The following STAG1 variants were observed in gnomAD, a reference collection of about 807,000 sequenced individuals.
The protein encoded by STAG1 is STAG1 cohesin complex component, also known as cohesin subunit SA-1.
Under a neutral mutation model 170.9 loss-of-function variants are expected in STAG1, and 26 were observed. That is an observed-to-expected ratio of 0.15 (90% CI 0.11 to 0.21). STAG1 has a LOEUF of 0.21. Among genes scored for constraint, STAG1 ranks in the 10% least tolerant of loss-of-function variants. The probability of loss-of-function intolerance (pLI) is 1.00; values close to 1 mark genes in which losing one functional copy is unlikely to be tolerated. For synonymous variants in STAG1, 514 were observed against 497.7 expected (o/e 1.03, Z -0.44); for missense variants, 964 against 1,509.5 (o/e 0.64, Z 5.99).
chr3:136,435,061 C>T (rs1383283909), intron 15 of STAG1, among the ~76,000 whole-genome samples: 1 of 152,140 alleles, frequency 6.6e-6, no homozygotes, highest in Non-Finnish European at 1.5e-5. Flanking sequence ...CAATGCTTTA[C>T]TGCTTTGATT....
chr3:136,684,244 C>T (rs1942435210), intron 1 of STAG1, among the ~76,000 whole-genome samples: 1 of 152,086 alleles, frequency 6.6e-6, no homozygotes, highest in Admixed American at 6.5e-5. Flanking sequence ...TATAACAGAA[C>T]AAAGTCGGAA....
chr3:136,657,938 TTAAATA>T (rs1386038435), intron 1 of STAG1, among the ~76,000 whole-genome samples: 7 of 152,212 alleles, frequency 4.6e-5, no homozygotes, highest in Non-Finnish European at 8.8e-5. Flanking sequence ...TCTCTTGGTA[TTAAATA>T]TAAAAAGGGA....
intron 4 of STAG1, chr3:136,591,318 A>AGAAGTAAG (rs963343240): frequency 6.6e-6 from 1 of 152,118 alleles, no homozygotes; most frequent in African/African-American, 2.4e-5. Flanking sequence ...CAGGAAAGAA[A>AGAAGTAAG]GAAGTAAGGA....
At chr3:136,370,810 G>T (rs1365966691) in intron 23 of STAG1, among the ~76,000 whole-genome samples, 8 of 152,098 alleles carry the variant, frequency 5.3e-5, no homozygotes, top group Non-Finnish European at 1.0e-4. Context: ...GAATAGTGCC[G>T]CAATAAACAT....
At chr3:136,476,815 C>G (rs2089762491) in intron 10 of STAG1, among the ~76,000 whole-genome samples, 2 of 152,000 alleles carry the variant, frequency 1.3e-5, no homozygotes, top group Admixed American at 1.3e-4. Flanking sequence ...TTCAGGATTA[C>G]TTATATGAGG....
At chr3:136,616,409 AAG>A (rs1439940705) in intron 3 of STAG1, among the ~76,000 whole-genome samples, 8 of 152,190 alleles carry the variant, frequency 5.3e-5, no homozygotes, top group African/African-American at 1.9e-4. Context: ...TAACATAATT[AAG>A]GAAGTCAGAA....
intron 12 of STAG1, among the ~76,000 whole-genome samples, chr3:136,466,627 C>A (rs992133562): frequency 2.0e-5 from 3 of 152,088 alleles, no homozygotes; most frequent in African/African-American, 7.2e-5. Flanking sequence ...GGCAGGCCAA[C>A]GTTCAGATTC....
At chr3:136,456,849 G>A (rs2089127089) in intron 13 of STAG1, among the ~76,000 whole-genome samples, 1 of 152,170 alleles carries the variant, frequency 6.6e-6, no homozygotes, top group Non-Finnish European at 1.5e-5. Flanking sequence ...GATAGACTGG[G>A]ATGCTATATT....
chr3:136,446,893 T>G (rs2107768116), intron 14 of STAG1, among the ~76,000 whole-genome samples: 1 of 152,006 alleles, frequency 6.6e-6, no homozygotes, highest in East Asian at 2.0e-4. Context: ...TCTTGCCTCC[T>G]GCGTTCAAGC....
intron 22 of STAG1, among the ~76,000 whole-genome samples, chr3:136,383,608 T>C (rs557725835): frequency 2.2e-4 from 34 of 152,344 alleles, no homozygotes; most frequent in African/African-American, 6.7e-4. Flanking sequence ...GATTAACAAC[T>C]GATCCTTACA....
At chr3:136,654,752 T>C (rs1476635246) in intron 1 of STAG1, among the ~76,000 whole-genome samples, 1 of 152,280 alleles carries the variant, frequency 6.6e-6, no homozygotes, top group East Asian at 1.9e-4. Flanking sequence ...CTTTCAAAAC[T>C]TACCTCAAAA....
At chr3:136,547,642 C>A (rs1650352455) in intron 5 of STAG1, among the ~76,000 whole-genome samples, 1 of 152,154 alleles carries the variant, frequency 6.6e-6, no homozygotes, top group Non-Finnish European at 1.5e-5. Flanking sequence ...CCTCCAGATT[C>A]ATCCATGGTT....
chr3:136,645,441 A>T (rs565866861), intron 1 of STAG1, among the ~76,000 whole-genome samples: 1 of 150,614 alleles, frequency 6.6e-6, no homozygotes, highest in Admixed American at 6.6e-5. Context: ...TGCTCATACC[A>T]CTCTCCATCT....
At chr3:136,741,426 A>G (rs1225161588) in intron 1 of STAG1, among the ~76,000 whole-genome samples, 1 of 152,246 alleles carries the variant, frequency 6.6e-6, no homozygotes, top group East Asian at 1.9e-4. Flanking sequence ...GCATATGATC[A>G]ATGATTATTA....
At chr3:136,704,784 C>T (rs1450984532) in intron 1 of STAG1, among the ~76,000 whole-genome samples, 1 of 130,970 alleles carries the variant, frequency 7.6e-6, no homozygotes, top group Non-Finnish European at 1.5e-5. Flanking sequence ...GATCATGTCA[C>T]TGCACTCCAG....
chr3:136,646,492 C>T (rs1941018519), intron 1 of STAG1, among the ~76,000 whole-genome samples: 1 of 152,224 alleles, frequency 6.6e-6, no homozygotes, highest in Non-Finnish European at 1.5e-5. Flanking sequence ...CCCTCAATCA[C>T]TCTTTATCCT....
intron 29 of STAG1, among the ~76,000 whole-genome samples, chr3:136,348,185 A>C (rs938168378): frequency 6.6e-6 from 1 of 152,184 alleles, no homozygotes; most frequent in Non-Finnish European, 1.5e-5. Context: ...AATTTATTAG[A>C]AGCATGAAGA....
intron 1 of STAG1, among the ~76,000 whole-genome samples, chr3:136,677,224 T>G (rs1246488770): frequency 1.3e-5 from 2 of 152,196 alleles, no homozygotes; most frequent in Non-Finnish European, 2.9e-5. Context: ...TCCCATACTT[T>G]TATTGTAAGA....
intron 1 of STAG1, among the ~76,000 whole-genome samples, chr3:136,712,313 G>A (rs1943406743): frequency 6.6e-6 from 1 of 152,118 alleles, no homozygotes; most frequent in Admixed American, 6.5e-5. Flanking sequence ...ACCGCACCCA[G>A]CCTACAGAGA....
Sources: gnomAD v4.1 joint callset for allele counts (sites outside exome capture counted in the v4.1 genomes callset) on GRCh38, gnomAD v4.1.1 for gene constraint, MANE v1.5 for transcripts, NCBI Gene and HGNC (gene_info 2026-07-23, HGNC 2026-07-21) for gene names.